The following SH3TC1 variants were observed in gnomAD, a reference collection of about 807,000 sequenced individuals.
The protein encoded by SH3TC1 is SH3 domain and tetratricopeptide repeats 1, also known as SH3 domain and tetratricopeptide repeat-containing protein 1.
In SH3TC1, 135 loss-of-function variants were observed where a neutral mutation model predicts 117.3. That is an observed-to-expected ratio of 1.15 (90% CI 1.00 to 1.33). The LOEUF (loss-of-function observed/expected upper bound fraction) is 1.33. Among genes scored for constraint, SH3TC1 ranks in the 40% most tolerant of loss-of-function variants. The probability of loss-of-function intolerance (pLI) is 0.00; values close to 1 mark genes in which losing one functional copy is unlikely to be tolerated. For synonymous variants in SH3TC1, 898 were observed against 816.9 expected (o/e 1.10, Z -1.69); for missense variants, 2,092 against 1,794.3 (o/e 1.17, Z -3.00).
At chr4:8,216,308 C>G (rs376429563) in intron 6 of SH3TC1, 51 bp downstream of exon 6, 1 of 1,584,880 alleles carries the variant, frequency 6.3e-7, no homozygotes, top group East Asian at 2.3e-5. Flanking sequence ...GGGGCACTCC[C>G]GGGCCATGGG....
intron 1 of SH3TC1, among the ~76,000 whole-genome samples, chr4:8,188,229 G>A (rs930313072): frequency 3.9e-5 from 6 of 152,278 alleles, no homozygotes; most frequent in Admixed American, 3.9e-4. Flanking sequence ...GGCTGCTCTG[G>A]CCGAGCTGTC....
rs1196543814 is a variant in SH3TC1, at chr4:8,205,873, C to T, written c.172+507C>T. On this transcript the variant is annotated intron_variant, in intron 2 of 17. Coordinates refer to ENST00000245105, the MANE Select transcript of SH3TC1 (RefSeq NM_018986.5). The surrounding 1 kb of genome is among the most constrained non-coding windows in gnomAD (Gnocchi z 5.4). ...TGACCTAGGTGATCTCCAGGATCCC[C>T]TCTTACCCCCATCCTGAGACCCTGA... The T allele has an allele frequency of 7.2e-5, 41 of 572,406 alleles. 2 individuals are homozygous for T. The highest frequency in any genetic ancestry group is 4.6e-4 in the Middle Eastern group (1 of 2,180). The allele number at this position is 572,406 out of a possible 1,614,324, so 35.5% of individuals were successfully genotyped here. A position where few individuals can be genotyped will look rare whatever the true frequency, so the allele number is the denominator to read the frequency against.
Position 8,190,848 on chromosome 4 carries a change from C to T in SH3TC1, c.-57+8638C>T, listed in dbSNP as rs1717396237. ...TGTAGAGACGGGTTTCACCATGTTGCCCAGGCTGGTCTTGAACTCCTGGAC... is the reference window on the plus strand; with the variant it reads ...TGTAGAGACGGGTTTCACCATGTTGTCCAGGCTGGTCTTGAACTCCTGGAC... On this transcript the variant is annotated intron_variant, in intron 1 of 16. Coordinates refer to the SH3TC1 transcript ENST00000508641. This position sits in a 1 kb window ranked among gnomAD's most constrained non-coding sequence, Gnocchi z 4.7. 1.3e-5 allele frequency among the ~76,000 whole-genome samples: 2 copies of T among 152,078 alleles called. No homozygotes were observed. The highest frequency in any genetic ancestry group is 4.8e-5 in the African/African-American group (2 of 41,406).
Position 8,240,700 on chromosome 4 carries a change from C to A in SH3TC1, c.3756C>A (p.Asp1252Glu). ...LGDIIFYDLK[D>E]PFDAAGYYQL... Reference sequence around the variant, plus strand: ...TGAGCATGGCCTGTCCCCTTCAGGACCCGTTTGATGCAGCCGGGTACTACC... The same window carrying A: ...TGAGCATGGCCTGTCCCCTTCAGGAACCGTTTGATGCAGCCGGGTACTACC... The change falls in exon 18 of 18, where the codon GAC becomes GAA. Residue 1252 changes from aspartate (D) to glutamate (E), a missense_variant and splice_region_variant. Transcript: ENST00000245105. The A allele has an allele frequency of 1.2e-6, 2 of 1,613,972 alleles. No homozygotes were observed. The highest frequency in any genetic ancestry group is 1.7e-6 in the Non-Finnish European group (2 of 1,180,016).
intron 13 of SH3TC1, 121 bp from the exon 14 acceptor site, chr4:8,233,242 A>G (rs987022692): frequency 4.1e-6 from 6 of 1,458,434 alleles, no homozygotes; most frequent in Non-Finnish European, 4.5e-6. Flanking sequence ...AGGACACTGC[A>G]CACACAAGAG....
upstream of SH3TC1, among the ~76,000 whole-genome samples, chr4:8,196,456 A>G (rs1717559020): frequency 6.6e-6 from 1 of 152,150 alleles, no homozygotes; most frequent in African/African-American, 2.4e-5. This position sits in a 1 kb window ranked among gnomAD's most constrained non-coding sequence, Gnocchi z 4.6. Context: ...GGTCCTGGGC[A>G]CTGGGGTGGC....
At chr4:8,233,122 G>T in intron 13 of SH3TC1, 3 of 1,348,320 alleles carry the variant, frequency 2.2e-6, no homozygotes, top group Non-Finnish European at 2.9e-6. Context: ...GGACTAGCAC[G>T]CTCCCCCAGC....
At chr4:8,234,717 T>TC (rs1324743032) in intron 14 of SH3TC1, among the ~76,000 whole-genome samples, 2 of 152,134 alleles carry the variant, frequency 1.3e-5, no homozygotes, top group African/African-American at 2.4e-5. Flanking sequence ...CCTCATATCC[T>TC]CCCCCAATGG....
chr4:8,239,935 C>A (rs1722186709), intron 17 of SH3TC1, among the ~76,000 whole-genome samples: 1 of 152,256 alleles, frequency 6.6e-6, no homozygotes, highest in Non-Finnish European at 1.5e-5. Flanking sequence ...CGCACCCCTG[C>A]CCTGTGTGTG....
Position 8,237,646 on chromosome 4 carries a change from T to C in SH3TC1, c.3729T>C (p.Gly1243=). 1 of 1,608,180 alleles carries C rather than the reference T, an allele frequency of 6.2e-7. No individual in the cohort carries two copies. Among genetic ancestry groups the C allele is most frequent in the South Asian group, 1.1e-5 (1 of 90,176 alleles). The stretch of plus-strand genomic sequence containing the variant: ...ACGTGAAGGTGTACCTGGTGCTCGG[T>C]GACATCATCTTCTACGACCTGAAGG... ...LYYVKVYLVL[G]DIIFYDLKDP... The change falls in exon 17 of 18, where the codon GGT becomes GGC. Residue 1243 remains glycine (G), a synonymous_variant. Coordinates refer to ENST00000245105, the MANE Select transcript of SH3TC1 (RefSeq NM_018986.5).
chr4:8,184,111 A>G (rs1344336129), intron 1 of SH3TC1, among the ~76,000 whole-genome samples: 1 of 152,188 alleles, frequency 6.6e-6, no homozygotes. Flanking sequence ...GTGTACACCA[A>G]CCATGTATAT....
At chr4:8,195,682 A>G (rs1717539585), upstream of SH3TC1, among the ~76,000 whole-genome samples, 1 of 151,988 alleles carries the variant, frequency 6.6e-6, no homozygotes, top group Non-Finnish European at 1.5e-5. Context: ...CGTAGCTTCC[A>G]GAAAAACAAA....
chr4:8,197,774 G>T (rs922267062), upstream of SH3TC1, among the ~76,000 whole-genome samples: 1 of 152,242 alleles, frequency 6.6e-6, no homozygotes, highest in African/African-American at 2.4e-5. Flanking sequence ...CCCGGGCCCT[G>T]GCCTCAGTGG....
chr4:8,191,906 T>G (rs1717426832), intron 1 of SH3TC1, among the ~76,000 whole-genome samples: 1 of 152,112 alleles, frequency 6.6e-6, no homozygotes, highest in Admixed American at 6.5e-5. Flanking sequence ...AGCGTGGAGC[T>G]GGGGTCCGGC....
Position 8,212,708 on chromosome 4 carries a change from CCTGCAG to C in SH3TC1, c.260_265del (p.Gln87_Leu88del). 4 of 1,612,916 alleles carry C rather than the reference CCTGCAG, an allele frequency of 2.5e-6. No homozygotes were observed. Among genetic ancestry groups the C allele is most frequent in the Middle Eastern group, 3.3e-4 (2 of 6,030 alleles). ...CTCCGTCTGCCCCTCCAGACCTGAC[CCTGCAG>C]CTGCTGGCTGTGCGGAGGAAGAGCA... is the stretch of plus-strand genomic sequence containing the variant. On this transcript the variant is annotated inframe_deletion, in exon 4 of 18. Coordinates refer to ENST00000245105, the MANE Select transcript of SH3TC1 (RefSeq NM_018986.5).
chr4:8,221,008 C>A (rs1719872173), intron 9 of SH3TC1, among the ~76,000 whole-genome samples: 1 of 152,190 alleles, frequency 6.6e-6, no homozygotes, highest in African/African-American at 2.4e-5. Flanking sequence ...GTGGGTGATC[C>A]CAGGGATTCC....
At chr4:8,222,992 G>C in intron 10 of SH3TC1, 22 bp downstream of exon 10, 1 of 1,600,422 alleles carries the variant, frequency 6.2e-7, no homozygotes, top group African/African-American at 1.3e-5. Flanking sequence ...CGATGCCTGT[G>C]GTGGGGCCAC....
Position 8,235,415 on chromosome 4 carries a change from A to G in SH3TC1, c.3283-18A>G. On this transcript the variant is annotated intron_variant, in intron 14 of 17. Transcript: ENST00000245105. ...CTCACCAGGTGTGGGTCTTGAGGGA[A>G]CTTCTGCCTCCTTTCAGGTGGCACA... The G allele has an allele frequency of 6.8e-7, 1 of 1,471,210 alleles. No individual in the cohort carries two copies. The highest frequency in any genetic ancestry group is 9.1e-7 in the Non-Finnish European group (1 of 1,102,630). 91.1% of individuals were successfully genotyped at this position (1,471,210 alleles called of 1,614,324 possible).
chr4:8,204,019 G>T (rs974902668), intron 1 of SH3TC1, among the ~76,000 whole-genome samples: 1 of 152,214 alleles, frequency 6.6e-6, no homozygotes. Flanking sequence ...CCGGACGGAG[G>T]CCCTGGCAAG....
Sources: gnomAD v4.1 joint callset for allele counts (sites outside exome capture counted in the v4.1 genomes callset) on GRCh38, gnomAD v4.1.1 for gene constraint, Gnocchi (gnomAD v3.1) non-coding constraint, MANE v1.5 for transcripts, NCBI Gene and HGNC (gene_info 2026-07-23, HGNC 2026-07-21) for gene names.